ABCC9: variants seen among roughly 807,000 people sequenced by gnomAD.
The protein encoded by ABCC9 is ATP-binding cassette sub-family C member 9.
In ABCC9, 95 loss-of-function variants were observed where a neutral mutation model predicts 188.3. The ratio of observed to expected loss-of-function variants is 0.50; its 90% CI spans 0.43 to 0.60. ABCC9 has a LOEUF of 0.60. Ranked by LOEUF, ABCC9 falls within the 20% of genes least tolerant of loss-of-function variation. The pLI, the probability that ABCC9 is intolerant of heterozygous loss-of-function variation, is 0.00. For synonymous variants in ABCC9, 659 were observed against 652.7 expected (o/e 1.01, Z -0.15); for missense variants, 1,102 against 1,876.3 (o/e 0.59, Z 7.62).
Position 21,805,327 on chromosome 12 carries a change from G to A in ABCC9, c.4512+671C>T. On this transcript the variant is annotated intron_variant, in intron 39 of 39. Transcript: ENST00000261200. Reference sequence around the variant, plus strand: ...AGACACGGTGCTGGAGAGAAAAATAGAAAAGAAGAGAATCAGCAGAAGGAA... The same window carrying A: ...AGACACGGTGCTGGAGAGAAAAATAAAAAAGAAGAGAATCAGCAGAAGGAA... 6.2e-7 allele frequency: 1 copy of A among 1,611,978 alleles called. No homozygotes were observed. The highest frequency in any genetic ancestry group is 8.5e-7 in the Non-Finnish European group (1 of 1,178,562).
chr12:21,828,659 C>T, intron 31 of ABCC9: 1 of 388,660 alleles, frequency 2.6e-6, no homozygotes, highest in Non-Finnish European at 4.9e-6. Flanking sequence ...CAAATGTGCT[C>T]TTTTGGAAAA....
At chr12:21,930,632 C>A (rs1949245606) in intron 4 of ABCC9, among the ~76,000 whole-genome samples, 2 of 152,120 alleles carry the variant, frequency 1.3e-5, no homozygotes, top group Admixed American at 1.3e-4. Flanking sequence ...AAATTTATGT[C>A]TACACAATAT....
intron 12 of ABCC9, among the ~76,000 whole-genome samples, chr12:21,902,246 C>G (rs889479063): frequency 6.6e-6 from 1 of 152,000 alleles, no homozygotes; most frequent in Admixed American, 6.6e-5. Flanking sequence ...TCTTTGAAAC[C>G]AACGAGAACA....
intron 4 of ABCC9, among the ~76,000 whole-genome samples, chr12:21,928,201 C>G (rs947709594): frequency 2.2e-5 from 3 of 138,964 alleles, no homozygotes; most frequent in Non-Finnish European, 3.0e-5. Context: ...GCCTGGGCAA[C>G]AGAGCAAGAC....
At chr12:21,918,677 G>A (rs767852259) in intron 5 of ABCC9, among the ~76,000 whole-genome samples, 35 of 152,054 alleles carry the variant, frequency 2.3e-4, no homozygotes, top group Middle Eastern at 3.4e-3. Context: ...AGGTTCTCAC[G>A]AGGCTGGGTT....
intron 37 of ABCC9, among the ~76,000 whole-genome samples, chr12:21,807,747 T>C (rs1305485085): frequency 6.6e-6 from 1 of 152,208 alleles, no homozygotes; most frequent in Non-Finnish European, 1.5e-5. Context: ...ATCTTGGAAA[T>C]TATTTAATTA....
At chr12:21,903,833 A>T (rs1157204429) in intron 12 of ABCC9, among the ~76,000 whole-genome samples, 1 of 152,270 alleles carries the variant, frequency 6.6e-6, no homozygotes, top group Admixed American at 6.5e-5. Flanking sequence ...AAGAATCAAT[A>T]TCATGAAAAT....
chr12:21,905,996 C>T (rs1056339683), intron 12 of ABCC9, 130 bp downstream of exon 12: 36 of 1,033,296 alleles, frequency 3.5e-5, no homozygotes, highest in East Asian at 1.7e-4. Flanking sequence ...TTGGACAGCA[C>T]GTGTTTAGAA....
At position 21,920,989 on chromosome 12, in the gene ABCC9, G is replaced by C. The variant is rs368793317; in HGVS notation, c.407-3886C>G. Among the ~76,000 whole-genome samples the C allele has an allele frequency of 1.7e-3, 254 of 152,154 alleles. 3 individuals carry two copies. The South Asian group carries it at 0.033, about 20-fold the overall frequency. The stretch of plus-strand genomic sequence containing the variant: ...TCATCTGTTTATGGACACTTAGGTT[G>C]CTTCAAAATCTTAGCTATTGTGAAC... On this transcript the variant is annotated intron_variant, in intron 5 of 39. Transcript: ENST00000261200.
At chr12:21,899,536 G>A (rs1947606312) in intron 12 of ABCC9, among the ~76,000 whole-genome samples, 1 of 152,198 alleles carries the variant, frequency 6.6e-6, no homozygotes, top group African/African-American at 2.4e-5. Context: ...GGAAGCACAA[G>A]GGGTCAGGGA....
intron 16 of ABCC9, among the ~76,000 whole-genome samples, chr12:21,880,248 T>C (rs1946555479): frequency 6.6e-6 from 1 of 152,092 alleles, no homozygotes; most frequent in Non-Finnish European, 1.5e-5. Context: ...ATTGATCTTA[T>C]GTGTATTAAA....
intron 36 of ABCC9, among the ~76,000 whole-genome samples, chr12:21,810,677 A>C (rs555984270): frequency 2.6e-5 from 4 of 152,288 alleles, no homozygotes; most frequent in African/African-American, 9.6e-5. Flanking sequence ...CCCTCCCATG[A>C]CACTTGAGGA....
intron 2 of ABCC9, among the ~76,000 whole-genome samples, chr12:21,939,936 A>G (rs1365071155): frequency 6.6e-6 from 1 of 152,238 alleles, no homozygotes; most frequent in Non-Finnish European, 1.5e-5. Flanking sequence ...CCACACATCT[A>G]GAACATATAC....
chr12:21,830,400 G>A (rs1943689094), intron 30 of ABCC9, among the ~76,000 whole-genome samples: 1 of 152,180 alleles, frequency 6.6e-6, no homozygotes, highest in Non-Finnish European at 1.5e-5. Context: ...GCCACGGCTT[G>A]TCTTATAGAG....
intron 28 of ABCC9, among the ~76,000 whole-genome samples, chr12:21,843,611 G>A (rs1253128427): frequency 6.6e-6 from 1 of 152,120 alleles, no homozygotes; most frequent in Non-Finnish European, 1.5e-5. Flanking sequence ...TATATCTTAT[G>A]TAGATACTCT....
chr12:21,900,728 A>C (rs1327814603), intron 12 of ABCC9, among the ~76,000 whole-genome samples: 1 of 152,218 alleles, frequency 6.6e-6, no homozygotes, highest in African/African-American at 2.4e-5. Flanking sequence ...AGATCAAATG[A>C]ATGAAATGAA....
At chr12:21,900,245 G>A (rs965706931) in intron 12 of ABCC9, among the ~76,000 whole-genome samples, 1 of 152,160 alleles carries the variant, frequency 6.6e-6, no homozygotes, top group Non-Finnish European at 1.5e-5. Flanking sequence ...TGCAGCTGAG[G>A]GTCCTGATTA....
At chr12:21,936,155 C>CT (rs1388123909) in intron 3 of ABCC9, among the ~76,000 whole-genome samples, 3 of 152,126 alleles carry the variant, frequency 2.0e-5, no homozygotes, top group African/African-American at 7.2e-5. Flanking sequence ...TTTCTCATGA[C>CT]TTTAACACAT....
At chr12:21,908,246 A>G (rs778017126) in intron 10 of ABCC9, 35 bp from the exon 11 acceptor site, 4 of 1,609,596 alleles carry the variant, frequency 2.5e-6, no homozygotes, top group African/African-American at 2.7e-5. Context: ...GAGAAGATGA[A>G]TGGGTTGTGG....
Sources: gnomAD v4.1 joint callset for allele counts (sites outside exome capture counted in the v4.1 genomes callset) on GRCh38, gnomAD v4.1.1 for gene constraint, MANE v1.5 for transcripts, NCBI Gene and HGNC (gene_info 2026-07-23, HGNC 2026-07-21) for gene names.